The following RIPK1 variants were observed in gnomAD, a reference collection of about 807,000 sequenced individuals.
RIPK1 encodes receptor interacting serine/threonine kinase 1.
A neutral mutation model predicts 62.4 loss-of-function variants in RIPK1; 27 were observed. That is an observed-to-expected ratio of 0.43 (90% CI 0.32 to 0.60). The LOEUF (loss-of-function observed/expected upper bound fraction) is 0.60, where lower values mean the gene tolerates loss of function less well. Among genes scored for constraint, RIPK1 ranks in the 20% least tolerant of loss-of-function variants. The pLI is 0.07. For missense variants in RIPK1, 735 were observed against 831.0 expected (o/e 0.88, Z 1.42); for synonymous variants, 287 against 303.2 (o/e 0.95, Z 0.55).
intron 5 of RIPK1, among the ~76,000 whole-genome samples, chr6:3,084,809 G>T (rs541036202): frequency 3.3e-5 from 5 of 152,070 alleles, no homozygotes; most frequent in Admixed American, 2.0e-4. Context: ...GGCCAGGATG[G>T]TCTTGATCTC....
intron 5 of RIPK1, among the ~76,000 whole-genome samples, chr6:3,083,716 A>C (rs1759541407): frequency 6.6e-6 from 1 of 152,178 alleles, no homozygotes; most frequent in South Asian, 2.1e-4. Context: ...CAGTTTGTTA[A>C]GTGCATAAAC....
intron 9 of RIPK1, among the ~76,000 whole-genome samples, chr6:3,108,597 CTG>C (rs1760987296): frequency 6.6e-6 from 1 of 152,194 alleles, no homozygotes; most frequent in African/African-American, 2.4e-5. Context: ...CAGCTTACCA[CTG>C]TGCCTGGCGA....
chr6:3,097,016 G>A lies in RIPK1; in HGVS notation c.916-7209G>A, dbSNP rs556492444. Among the ~76,000 whole-genome samples, 183 of 152,146 alleles carry A rather than the reference G, an allele frequency of 1.2e-3. 1 individual carries two copies. The highest frequency in any genetic ancestry group is 5.2e-3 in the South Asian group (25 of 4,820). ...CTCCCGAGTAGCTGGGATTAAAAGCGTGCGCCACCATGCCCGGCTAATTTT... is the reference window on the plus strand; with the variant it reads ...CTCCCGAGTAGCTGGGATTAAAAGCATGCGCCACCATGCCCGGCTAATTTT... On this transcript the variant is annotated intron_variant, in intron 7 of 10. Coordinates refer to ENST00000259808, the MANE Select transcript of RIPK1 (RefSeq NM_001354930.2).
intron 9 of RIPK1, 103 bp from the exon 10 acceptor site, chr6:3,110,696 ATAAT>A: frequency 1.5e-6 from 1 of 663,972 alleles, no homozygotes. Flanking sequence ...GTGGCATAGG[ATAAT>A]TAACTTAATG....
upstream of RIPK1, chr6:3,068,459 C>G (rs1043513913): frequency 1.0e-6 from 1 of 985,294 alleles, no homozygotes; most frequent in Non-Finnish European, 1.2e-6. Context: ...TCCTCCCCGG[C>G]AAGGGCCGGG....
chr6:3,106,015 A>G lies in RIPK1; in HGVS notation c.1540A>G (p.Thr514Ala). 1 of 1,612,222 alleles carries G rather than the reference A, an allele frequency of 6.2e-7. No individual in the cohort carries two copies. Among genetic ancestry groups the G allele is most frequent in the Non-Finnish European group, 8.5e-7 (1 of 1,178,370 alleles). ...GCCTGAGACCAACTATCTAGGAAAT[A>G]CACCCACCATGCCATTCAGCTCCTT... ...PVPETNYLGN[T>A]PTMPFSSLPP... The change falls in exon 9 of 11, where the codon ACA becomes GCA. Residue 514 changes from threonine to alanine, a missense_variant. Physicochemically the swap from Thr to Ala is moderately conservative, Grantham distance 58 (BLOSUM62 0). Transcript: ENST00000259808.
At chr6:3,112,831 G>A (rs150622894) in intron 10 of RIPK1, among the ~76,000 whole-genome samples, 21 of 152,252 alleles carry the variant, frequency 1.4e-4, no homozygotes, top group Middle Eastern at 3.4e-3. Context: ...GAGCCACCAC[G>A]CCAGGCCGGG....
chr6:3,083,980 C>T (rs1023505080), intron 5 of RIPK1, among the ~76,000 whole-genome samples: 6 of 152,180 alleles, frequency 3.9e-5, no homozygotes, highest in Non-Finnish European at 8.8e-5. Flanking sequence ...GCATCGCCAT[C>T]CTTTTACCAA....
chr6:3,078,564 G>C (rs1181266023), intron 3 of RIPK1, among the ~76,000 whole-genome samples: 2 of 152,202 alleles, frequency 1.3e-5, no homozygotes, highest in African/African-American at 4.8e-5. Context: ...ATCATCTGAT[G>C]TAGAGTATAT....
rs940167263 is a variant in RIPK1 at position 3,076,713 on chromosome 6, T to C, written c.-60-51T>C. The C allele has an allele frequency of 4.0e-5, 15 of 372,702 alleles. 3 individuals are homozygous for C. Among genetic ancestry groups the C allele is most frequent in the South Asian group, 1.5e-4 (3 of 19,382 alleles). The allele number at this position is 372,702 out of a possible 1,614,324, so 23.1% of individuals were successfully genotyped here. Reference sequence around the variant, plus strand: ...AAAAAAAAAAACATATATATATATATATATATATATATAGTCTTGCCCTGA... The same window carrying C: ...AAAAAAAAAAACATATATATATATACATATATATATATAGTCTTGCCCTGA... On this transcript the variant is annotated intron_variant, in intron 1 of 10. Transcript: ENST00000259808.
At chr6:3,082,194 A>G (rs1426715010) in intron 4 of RIPK1, among the ~76,000 whole-genome samples, 1 of 152,202 alleles carries the variant, frequency 6.6e-6, no homozygotes, top group Non-Finnish European at 1.5e-5. Context: ...CTGCTGACAC[A>G]GGGGCCTCTC....
At chr6:3,069,881 G>A (rs1304387913) in intron 1 of RIPK1, among the ~76,000 whole-genome samples, 2 of 152,120 alleles carry the variant, frequency 1.3e-5, no homozygotes, top group African/African-American at 4.8e-5. Context: ...TGTGGTGGCG[G>A]GTCCCTGTAA....
rs1230199764 is a variant in RIPK1, at chr6:3,105,487, G to C, written c.1012G>C (p.Glu338Gln). 1.3e-6 allele frequency: 2 copies of C among 1,536,862 alleles called. No individual in the cohort carries two copies. The highest frequency in any genetic ancestry group is 1.7e-6 in the Non-Finnish European group (2 of 1,145,802). Residue 338 changes from glutamate (E) to glutamine (Q), a missense_variant, in exon 9 of 11, where the codon GAA becomes CAA. Physicochemically the swap from Glu to Gln is conservative, Grantham distance 29. Transcript: ENST00000259808. The surrounding 1 kb of genome is among the most constrained non-coding windows in gnomAD (Gnocchi z 4.5). ...TGTTGATCATTTCTTCTCAGCCACA[G>C]AACAGCCTGGTTCACTGCACAGTTC... ...VPSSRSNSATEQPGSLHSSQG... is the reference protein window; with the variant it reads ...VPSSRSNSATQQPGSLHSSQG...
chr6:3,098,908 A>T (rs1760458020), intron 7 of RIPK1, among the ~76,000 whole-genome samples: 1 of 152,200 alleles, frequency 6.6e-6, no homozygotes, highest in Non-Finnish European at 1.5e-5. Context: ...GTCAGACTGA[A>T]ATGGCCAAGG....
chr6:3,111,817 A>T (rs546389099), intron 10 of RIPK1, among the ~76,000 whole-genome samples: 4 of 152,378 alleles, frequency 2.6e-5, no homozygotes, highest in East Asian at 3.9e-4. Flanking sequence ...GAAACCCAGG[A>T]TCTACCCCCT....
chr6:3,105,579 A>G lies in RIPK1; in HGVS notation c.1104A>G (p.Glu368=). ...CTCCTTCCCTGGAGCACCCACAAGA[A>G]GAGAATGAGCCCAGCCTGCAGAGTA... ...WFAPSLEHPQ[E]ENEPSLQSKL... is the part of the protein sequence containing the mutation. The change falls in exon 9 of 11, where the codon GAA becomes GAG. Residue 368 remains glutamate (E), a synonymous_variant. Coordinates refer to ENST00000259808, the MANE Select transcript of RIPK1 (RefSeq NM_001354930.2). The surrounding 1 kb of genome is among the most constrained non-coding windows in gnomAD (Gnocchi z 4.5). 1 of 1,613,906 alleles carries G rather than the reference A, an allele frequency of 6.2e-7. No individual in the cohort carries two copies. Among genetic ancestry groups the G allele is most frequent in the South Asian group, 1.1e-5 (1 of 91,054 alleles).
intron 1 of RIPK1, among the ~76,000 whole-genome samples, chr6:3,071,998 A>G (rs1344438866): frequency 1.3e-5 from 2 of 152,210 alleles, no homozygotes; most frequent in African/African-American, 4.8e-5. Context: ...TTTAAATATT[A>G]TTAAACATTC....
intron 7 of RIPK1, among the ~76,000 whole-genome samples, chr6:3,101,630 G>GAA (rs58369801): frequency 0.069 from 10,224 of 148,302 alleles, 1,168 homozygotes; most frequent in African/African-American, 0.24. Context: ...ATAAAACTAG[G>GAA]AAAAAAAAAA....
chr6:3,068,435 C>T, upstream of RIPK1: 12 of 985,476 alleles, frequency 1.2e-5, no homozygotes, highest in Non-Finnish European at 1.4e-5. Context: ...GGCGGGGCGG[C>T]GCTCTCGCGG....
Sources: gnomAD v4.1 joint callset for allele counts (sites outside exome capture counted in the v4.1 genomes callset) on GRCh38, gnomAD v4.1.1 for gene constraint, Gnocchi (gnomAD v3.1) non-coding constraint, MANE v1.5 for transcripts, NCBI Gene and HGNC (gene_info 2026-07-23, HGNC 2026-07-21) for gene names.